ARHGAP15: variants seen among roughly 807,000 people sequenced by gnomAD.
The protein encoded by ARHGAP15 is Rho GTPase activating protein 15, also known as rho GTPase-activating protein 15.
Under a neutral mutation model 63.7 loss-of-function variants are expected in ARHGAP15, and 51 were observed. The ratio of observed to expected loss-of-function variants is 0.80; its 90% CI spans 0.64 to 1.01. The LOEUF (loss-of-function observed/expected upper bound fraction) is 1.01. Among genes scored for constraint, ARHGAP15 ranks in the 50% least tolerant of loss-of-function variants. The pLI, the probability that ARHGAP15 is intolerant of heterozygous loss-of-function variation, is 0.00. For missense variants in ARHGAP15, 560 were observed against 564.6 expected (o/e 0.99, Z 0.08); for synonymous variants, 191 against 193.8 (o/e 0.99, Z 0.12).
chr2:143,560,949 T>G (rs1695995593), intron 11 of ARHGAP15, among the ~76,000 whole-genome samples: 2 of 152,216 alleles, frequency 1.3e-5, no homozygotes, highest in South Asian at 4.1e-4. Context: ...TCTTCTGCTT[T>G]GTGAAGGCAT....
chr2:143,459,398 C>T (rs1191724286), intron 8 of ARHGAP15, among the ~76,000 whole-genome samples: 2 of 152,012 alleles, frequency 1.3e-5, no homozygotes, highest in Non-Finnish European at 1.5e-5. Context: ...CATTTCTAAT[C>T]ACAAAGATGA....
chr2:143,579,508 T>C (rs1299631862), intron 11 of ARHGAP15, among the ~76,000 whole-genome samples: 2 of 152,160 alleles, frequency 1.3e-5, no homozygotes, highest in African/African-American at 4.8e-5. Context: ...TAAATGATGC[T>C]CTTTGTTCCA....
intron 12 of ARHGAP15, among the ~76,000 whole-genome samples, chr2:143,683,914 G>A (rs1559124396): frequency 3.3e-5 from 5 of 152,144 alleles, no homozygotes; most frequent in East Asian, 1.9e-4. Flanking sequence ...GTCTTGATGG[G>A]ACTTTTAATA....
intron 6 of ARHGAP15, among the ~76,000 whole-genome samples, chr2:143,369,770 A>G (rs989141097): frequency 2.6e-5 from 4 of 152,156 alleles, no homozygotes; most frequent in Admixed American, 2.0e-4. Flanking sequence ...TATTTTATGT[A>G]ATACAACAAC....
At chr2:143,299,272 CAG>C (rs1682788762) in intron 6 of ARHGAP15, among the ~76,000 whole-genome samples, 1 of 151,954 alleles carries the variant, frequency 6.6e-6, no homozygotes, top group Non-Finnish European at 1.5e-5. Context: ...TCTAGAGAGA[CAG>C]AGTCAAACCT....
intron 11 of ARHGAP15, among the ~76,000 whole-genome samples, chr2:143,557,953 T>C (rs1210695530): frequency 6.6e-6 from 1 of 152,124 alleles, no homozygotes; most frequent in African/African-American, 2.4e-5. Context: ...AACCTCCCTG[T>C]GCCTCTGTTT....
chr2:143,150,633 T>C (rs1689776987), intron 1 of ARHGAP15, among the ~76,000 whole-genome samples: 1 of 152,056 alleles, frequency 6.6e-6, no homozygotes, highest in Non-Finnish European at 1.5e-5. Flanking sequence ...AACTCAGGGA[T>C]ATTTATTTGG....
At chr2:143,718,963 C>T (rs1342725332) in intron 13 of ARHGAP15, among the ~76,000 whole-genome samples, 1 of 152,216 alleles carries the variant, frequency 6.6e-6, no homozygotes, top group Non-Finnish European at 1.5e-5. Flanking sequence ...CTATATCCTT[C>T]CACTTCTAAC....
At chr2:143,241,351 G>A (rs72851541) in intron 5 of ARHGAP15, among the ~76,000 whole-genome samples, 1,689 of 152,284 alleles carry the variant, frequency 0.011, 11 homozygotes, top group Non-Finnish European at 0.017. Flanking sequence ...ACTGCAATAT[G>A]ACATTAACAA....
chr2:143,601,328 G>C (rs1697760416), intron 11 of ARHGAP15, among the ~76,000 whole-genome samples: 3 of 152,078 alleles, frequency 2.0e-5, no homozygotes, highest in African/African-American at 4.8e-5. Context: ...TCTTGCCAAG[G>C]AGTGTAGGAG....
intron 9 of ARHGAP15, among the ~76,000 whole-genome samples, chr2:143,509,345 AAT>A (rs1553492415): frequency 6.6e-6 from 1 of 151,978 alleles, no homozygotes. Context: ...AAAAAAAAAA[AAT>A]AAGTAAACAA....
rs1294578610 is a variant in ARHGAP15, at chr2:143,387,860, CGCACATACACATACACGCATGCGT to C, written c.475-47718_475-47695del. Among the ~76,000 whole-genome samples, 12 of 150,670 alleles carry C rather than the reference CGCACATACACATACACGCATGCGT, an allele frequency of 8.0e-5. No homozygotes were observed. The East Asian group carries it at 9.7e-4, about 12-fold the overall frequency. On this transcript the variant is annotated intron_variant, in intron 6 of 13. Transcript: ENST00000295095. ...ATGCAAGCACACACACACGCATGGA[CGCACATACACATACACGCATGCGT>C]GCACATACACATACACGCATGCCTG...
At chr2:143,389,015 G>A (rs1239316577) in intron 6 of ARHGAP15, among the ~76,000 whole-genome samples, 3 of 151,104 alleles carry the variant, frequency 2.0e-5, no homozygotes, top group Admixed American at 6.6e-5. Context: ...AAAATATCTG[G>A]GTAGACTGTG....
intron 10 of ARHGAP15, chr2:143,519,614 G>A (rs143392469): frequency 3.4e-4 from 96 of 282,394 alleles, no homozygotes; most frequent in African/African-American, 2.2e-3. Context: ...TGATTCAAGT[G>A]CAAACTTCTT....
intron 6 of ARHGAP15, among the ~76,000 whole-genome samples, chr2:143,349,065 A>T (rs1287996751): frequency 6.6e-6 from 1 of 152,190 alleles, no homozygotes; most frequent in African/African-American, 2.4e-5. Context: ...ATAACATGTC[A>T]AAGGACTCTT....
Position 143,313,963 on chromosome 2 carries a change from T to C in ARHGAP15, c.474+63363T>C, listed in dbSNP as rs535307329. ...AGGTGGATGAGGAGAGGGCTTTTTT[T>C]TTTTCTTGTTTTGTTTTTTGTTTTT... is the stretch of plus-strand genomic sequence containing the variant. On this transcript the variant is annotated intron_variant, in intron 6 of 13. Transcript: ENST00000295095. Among the ~76,000 whole-genome samples, 223 of 151,638 alleles carry C rather than the reference T, an allele frequency of 1.5e-3. 2 individuals are homozygous for C. The highest frequency in any genetic ancestry group is 5.3e-3 in the African/African-American group (221 of 41,340).
intron 12 of ARHGAP15, among the ~76,000 whole-genome samples, chr2:143,639,600 G>A (rs1352230388): frequency 2.0e-5 from 3 of 152,062 alleles, no homozygotes; most frequent in Non-Finnish European, 4.4e-5. Context: ...CTTAAAGGTA[G>A]AAAGAAGGCA....
intron 13 of ARHGAP15, among the ~76,000 whole-genome samples, chr2:143,727,688 G>A (rs1018239840): frequency 1.3e-5 from 2 of 152,098 alleles, no homozygotes; most frequent in African/African-American, 4.8e-5. Context: ...CTTTGTTGTG[G>A]GCATGCATTG....
intron 6 of ARHGAP15, among the ~76,000 whole-genome samples, chr2:143,266,253 T>C (rs1375337821): frequency 3.3e-5 from 5 of 152,184 alleles, no homozygotes; most frequent in Non-Finnish European, 7.4e-5. Context: ...AATGCCCTTT[T>C]GATAATACTG....
Sources: gnomAD v4.1 joint callset for allele counts (sites outside exome capture counted in the v4.1 genomes callset) on GRCh38, gnomAD v4.1.1 for gene constraint, MANE v1.5 for transcripts, NCBI Gene and HGNC (gene_info 2026-07-23, HGNC 2026-07-21) for gene names.